ZC3H12B: variants seen among roughly 807,000 people sequenced by gnomAD.
ZC3H12B encodes the protein zinc finger CCCH-type containing 12B.
In ZC3H12B, 7 loss-of-function variants were observed where a neutral mutation model predicts 43.9. The observed-to-expected ratio is 0.16, with a 90% CI of 0.09 to 0.30. ZC3H12B has a LOEUF of 0.30. Ranked by LOEUF, ZC3H12B falls within the 10% of genes least tolerant of loss-of-function variation. ZC3H12B has a pLI of 1.00. For missense variants in ZC3H12B, 475 were observed against 670.2 expected (o/e 0.71, Z 3.22); for synonymous variants, 222 against 241.7 (o/e 0.92, Z 0.76).
At chrX:65,216,431 C>T in the ZC3H12B span, among the ~76,000 whole-genome samples, 1 of 111,046 alleles carries the variant, frequency 9.0e-6, no homozygotes, top group Admixed American at 9.5e-5. Context: ...TTATAACAGC[C>T]CTGGGGCAGA....
chrX:65,363,419 G>A (rs950807660), upstream of ZC3H12B, among the ~76,000 whole-genome samples: 1 of 111,612 alleles, frequency 9.0e-6, no homozygotes, highest in Non-Finnish European at 1.9e-5. Flanking sequence ...TCCTTCCTGG[G>A]CATGGTTGGA....
chrX:65,173,935 CT>C, the ZC3H12B span, among the ~76,000 whole-genome samples: 4 of 110,286 alleles, frequency 3.6e-5, no homozygotes, highest in African/African-American at 1.3e-4. Context: ...TGTGGGGGTC[CT>C]TTTTTTTGAT....
chrX:65,405,925 C>T lies in ZC3H12B; in HGVS notation n.407+7221C>T, dbSNP rs144368445. Among the ~76,000 whole-genome samples the T allele has an allele frequency of 7.2e-5, 8 of 111,286 alleles. No individual in the cohort carries two copies. The East Asian group carries it at 2.2e-3, about 31-fold the overall frequency. On this transcript the variant is annotated intron_variant and non_coding_transcript_variant, in intron 3 of 5. Transcript: ENST00000617377. Reference sequence around the variant, plus strand: ...TGGACAAATTTCTAGGTACATACAACCTATCAAGATTGAACCAGAAAGAAA... The same window carrying T: ...TGGACAAATTTCTAGGTACATACAATCTATCAAGATTGAACCAGAAAGAAA...
At chrX:65,173,516 G>A in the ZC3H12B span, among the ~76,000 whole-genome samples, 1 of 111,778 alleles carries the variant, frequency 8.9e-6, no homozygotes, top group Admixed American at 9.6e-5. Flanking sequence ...CAAAGTGAAT[G>A]CTTCCAACTT....
chrX:65,362,357 C>T (rs2066114778), upstream of ZC3H12B, among the ~76,000 whole-genome samples: 1 of 111,495 alleles, frequency 9.0e-6, no homozygotes, highest in South Asian at 3.8e-4. Context: ...TATTGACGGC[C>T]AGGCTTCTAA....
upstream of ZC3H12B, among the ~76,000 whole-genome samples, chrX:65,484,395 G>A (rs888483704): frequency 1.4e-4 from 16 of 112,308 alleles, no homozygotes; most frequent in Non-Finnish European, 2.8e-4. Flanking sequence ...CAGTGGTCCA[G>A]TTCAGAGGAG....
the ZC3H12B span, among the ~76,000 whole-genome samples, chrX:65,227,853 T>C: frequency 1.8e-5 from 2 of 111,515 alleles, no homozygotes; most frequent in Non-Finnish European, 3.8e-5. Context: ...AATCTCTGAA[T>C]ACACCAATAA....
At chrX:65,435,181 G>A (rs1300882404) in intron 3 of ZC3H12B, among the ~76,000 whole-genome samples, 1 of 111,763 alleles carries the variant, frequency 8.9e-6, no homozygotes, top group Non-Finnish European at 1.9e-5. Flanking sequence ...AATAATAGGA[G>A]ATAAGATTAT....
chrX:65,181,898 C>T, the ZC3H12B span, among the ~76,000 whole-genome samples: 3 of 111,882 alleles, frequency 2.7e-5, no homozygotes, highest in Admixed American at 1.9e-4. Flanking sequence ...AATCTCATTA[C>T]TGTGTATATA....
chrX:65,103,246 G>T, the ZC3H12B span, among the ~76,000 whole-genome samples: 1 of 111,459 alleles, frequency 9.0e-6, no homozygotes, highest in Non-Finnish European at 1.9e-5. Flanking sequence ...CTCTTTCTCA[G>T]GGCTGTTCCT....
At chrX:65,311,848 C>A in the ZC3H12B span, among the ~76,000 whole-genome samples, 1 of 111,146 alleles carries the variant, frequency 9.0e-6, no homozygotes, top group Admixed American at 9.6e-5. Flanking sequence ...TTTGCAGGGA[C>A]ATGGATGCAG....
chrX:65,288,036 A>G, the ZC3H12B span, among the ~76,000 whole-genome samples: 2 of 109,366 alleles, frequency 1.8e-5, no homozygotes, highest in Non-Finnish European at 3.8e-5. Flanking sequence ...GAACAGCTAC[A>G]TGCTGACAAC....
At chrX:65,391,412 G>C (rs1394402011) in intron 2 of ZC3H12B, among the ~76,000 whole-genome samples, 1 of 111,989 alleles carries the variant, frequency 8.9e-6, no homozygotes, top group African/African-American at 3.2e-5. Context: ...AACATTCTTT[G>C]ATTTTGAGAA....
the ZC3H12B span, among the ~76,000 whole-genome samples, chrX:65,076,943 C>T: frequency 9.0e-6 from 1 of 111,414 alleles, no homozygotes; most frequent in African/African-American, 3.3e-5. Flanking sequence ...TTTTCTCAGT[C>T]AAATTGTAGT....
the ZC3H12B span, among the ~76,000 whole-genome samples, chrX:65,205,139 A>C: frequency 8.9e-6 from 1 of 111,943 alleles, no homozygotes; most frequent in African/African-American, 3.2e-5. Flanking sequence ...TACTTATAGA[A>C]TCTTTGATTT....
At chrX:65,140,656 C>G in the ZC3H12B span, among the ~76,000 whole-genome samples, 286 of 112,156 alleles carry the variant, frequency 2.6e-3, no homozygotes, top group Middle Eastern at 9.3e-3. Context: ...ATTAGTTTCT[C>G]TCTAAATATC....
the ZC3H12B span, among the ~76,000 whole-genome samples, chrX:65,304,321 A>G: frequency 1.8e-5 from 2 of 112,138 alleles, no homozygotes; most frequent in Non-Finnish European, 3.8e-5. Context: ...TGCAAAAAAA[A>G]AGAACATTTA....
chrX:65,328,951 T>C, the ZC3H12B span, among the ~76,000 whole-genome samples: 5 of 110,359 alleles, frequency 4.5e-5, no homozygotes, highest in Non-Finnish European at 7.6e-5. Flanking sequence ...TCTATCATTG[T>C]TGGACATTTG....
the ZC3H12B span, among the ~76,000 whole-genome samples, chrX:65,065,636 C>T: frequency 1.8e-5 from 2 of 111,098 alleles, no homozygotes; most frequent in Non-Finnish European, 3.8e-5. Context: ...TTTCTCTTCT[C>T]GAGGAGTGTC....
Sources: allele counts gnomAD v4.1 joint callset (sites outside exome capture counted in the v4.1 genomes callset), GRCh38; gene constraint gnomAD v4.1.1; transcripts MANE v1.5; gene names NCBI Gene and HGNC (gene_info 2026-07-23, HGNC 2026-07-21).